The following CTNNA2 variants were observed in gnomAD, a reference collection of about 807,000 sequenced individuals.
CTNNA2 encodes catenin alpha 2.
CTNNA2 carries 42 observed loss-of-function variants against 101.0 expected under a neutral mutation model. The ratio of observed to expected loss-of-function variants is 0.42; its 90% confidence interval spans 0.32 to 0.54. The LOEUF (loss-of-function observed/expected upper bound fraction) is 0.54. Ranked by LOEUF, CTNNA2 falls within the 20% of genes least tolerant of loss-of-function variation. CTNNA2 has a pLI of 0.14. For synonymous variants in CTNNA2, 450 were observed against 456.4 expected (o/e 0.99, Z 0.18); for missense variants, 871 against 1,223.1 (o/e 0.71, Z 4.29).
At chr2:79,207,491 G>A (rs551080717) in intron 2 of CTNNA2, among the ~76,000 whole-genome samples, 9 of 152,222 alleles carry the variant, frequency 5.9e-5, no homozygotes, top group Admixed American at 5.2e-4. Context: ...GCCACAGTGG[G>A]CCCTCATTTA....
chr2:80,470,064 G>A (rs920747745), intron 9 of CTNNA2, among the ~76,000 whole-genome samples: 2 of 152,104 alleles, frequency 1.3e-5, no homozygotes, highest in Admixed American at 6.6e-5. Context: ...TTACCCGTGC[G>A]GGGGAGAGAA....
intron 7 of CTNNA2, among the ~76,000 whole-genome samples, chr2:80,294,715 G>T (rs1455682368): frequency 6.6e-6 from 1 of 152,148 alleles, no homozygotes; most frequent in Non-Finnish European, 1.5e-5. Context: ...AATCTGTTGA[G>T]GGTGGGGTCC....
At chr2:79,618,886 A>T (rs59093443) in intron 1 of CTNNA2, among the ~76,000 whole-genome samples, 2 of 152,172 alleles carry the variant, frequency 1.3e-5, no homozygotes, top group Non-Finnish European at 2.9e-5. Context: ...ATGCACATAA[A>T]TATATGGGTA....
intron 3 of CTNNA2, among the ~76,000 whole-genome samples, chr2:79,796,391 T>A (rs1243119457): frequency 9.9e-6 from 1 of 101,046 alleles, no homozygotes; most frequent in Non-Finnish European, 1.7e-5. Context: ...CGAGACTCCG[T>A]CTCAAAAAAA....
At chr2:80,133,089 TAAG>T (rs1379419715) in intron 7 of CTNNA2, among the ~76,000 whole-genome samples, 1 of 152,138 alleles carries the variant, frequency 6.6e-6, no homozygotes, top group Non-Finnish European at 1.5e-5. Flanking sequence ...GATGCCCTTA[TAAG>T]AAGAGGGAAT....
intron 2 of CTNNA2, among the ~76,000 whole-genome samples, chr2:79,254,420 A>G (rs1420104390): frequency 6.6e-6 from 1 of 152,026 alleles, no homozygotes; most frequent in Non-Finnish European, 1.5e-5. Flanking sequence ...GTCAGTTCTC[A>G]TGAGACCTGG....
At chr2:80,176,205 A>G (rs962849681) in intron 7 of CTNNA2, among the ~76,000 whole-genome samples, 4 of 152,228 alleles carry the variant, frequency 2.6e-5, no homozygotes, top group African/African-American at 4.8e-5. Context: ...TAAAGACAAT[A>G]ATAAGGTCAT....
At chr2:79,907,589 A>C (rs1685512117) in intron 6 of CTNNA2, among the ~76,000 whole-genome samples, 2 of 152,200 alleles carry the variant, frequency 1.3e-5, no homozygotes, top group South Asian at 4.1e-4. Context: ...CCTCCACATG[A>C]TTTTTTGACG....
At chr2:79,648,374 A>G (rs907203888) in intron 1 of CTNNA2, among the ~76,000 whole-genome samples, 9 of 152,218 alleles carry the variant, frequency 5.9e-5, no homozygotes, top group African/African-American at 2.2e-4. Flanking sequence ...GAGTGATTCT[A>G]GAAGACTATG....
intron 7 of CTNNA2, among the ~76,000 whole-genome samples, chr2:80,039,278 G>T (rs1253420115): frequency 6.6e-6 from 1 of 152,120 alleles, no homozygotes; most frequent in African/African-American, 2.4e-5. Flanking sequence ...GGAAGCATAA[G>T]AGATACCCAG....
chr2:79,409,849 T>C (rs1406980741), intron 4 of CTNNA2, among the ~76,000 whole-genome samples: 1 of 151,466 alleles, frequency 6.6e-6, no homozygotes, highest in Non-Finnish European at 1.5e-5. Flanking sequence ...AAGTCATTGG[T>C]AGCTTGATGG....
chr2:79,436,366 C>T (rs1338622376), intron 4 of CTNNA2, among the ~76,000 whole-genome samples: 1 of 152,170 alleles, frequency 6.6e-6, no homozygotes, highest in African/African-American at 2.4e-5. Flanking sequence ...GCTGGTGTGT[C>T]TAGTGGCTGG....
chr2:80,169,493 C>G (rs1003023926), intron 7 of CTNNA2, among the ~76,000 whole-genome samples: 2 of 152,204 alleles, frequency 1.3e-5, no homozygotes, highest in Admixed American at 6.5e-5. Flanking sequence ...ACTTATAACA[C>G]TTAAATATTT....
intron 2 of CTNNA2, among the ~76,000 whole-genome samples, chr2:79,697,100 C>T (rs1373737239): frequency 6.6e-6 from 1 of 151,940 alleles, no homozygotes; most frequent in Non-Finnish European, 1.5e-5. Context: ...AACTCATAGT[C>T]ATATTTAGAA....
intron 16 of CTNNA2, among the ~76,000 whole-genome samples, chr2:80,606,367 A>AACACACACACACACAC (rs67402125): frequency 1.5e-5 from 2 of 137,424 alleles, no homozygotes; most frequent in Non-Finnish European, 3.1e-5. Flanking sequence ...AAACACATCA[A>AACACACACACACACAC]ACACACACAC....
intron 7 of CTNNA2, among the ~76,000 whole-genome samples, chr2:79,981,315 G>A (rs971328863): frequency 4.6e-5 from 7 of 152,168 alleles, no homozygotes; most frequent in African/African-American, 7.2e-5. Context: ...GGATTGATCC[G>A]GTTACCTACT....
chr2:79,707,070 G>A (rs1047621868), intron 2 of CTNNA2, among the ~76,000 whole-genome samples: 4 of 152,114 alleles, frequency 2.6e-5, no homozygotes, highest in African/African-American at 9.7e-5. Flanking sequence ...CACATTTGGG[G>A]CATTTTTATG....
At chr2:79,870,678 G>T (rs1682518650) in intron 5 of CTNNA2, among the ~76,000 whole-genome samples, 1 of 152,106 alleles carries the variant, frequency 6.6e-6, no homozygotes, top group African/African-American at 2.4e-5. Flanking sequence ...GGAGGCCTCA[G>T]GAAACTTACA....
chr2:80,395,817 A>T (rs1282611805), intron 8 of CTNNA2, among the ~76,000 whole-genome samples: 1 of 152,222 alleles, frequency 6.6e-6, no homozygotes, highest in East Asian at 1.9e-4. Context: ...CCCTGTACAC[A>T]TGTATTCCTT....
Sources: allele counts gnomAD v4.1 joint callset (sites outside exome capture counted in the v4.1 genomes callset), GRCh38; gene constraint gnomAD v4.1.1; transcripts MANE v1.5; gene names NCBI Gene and HGNC (gene_info 2026-07-23, HGNC 2026-07-21).